The following ARID5B variants were observed in gnomAD, a reference collection of about 807,000 sequenced individuals.
ARID5B encodes AT-rich interaction domain 5B.
Under a neutral mutation model 97.2 loss-of-function variants are expected in ARID5B, and 13 were observed. That is an observed-to-expected ratio of 0.13 (90% CI 0.09 to 0.21). The LOEUF (loss-of-function observed/expected upper bound fraction) is 0.21, where lower values mean the gene tolerates loss of function less well. Among genes scored for constraint, ARID5B ranks in the 10% least tolerant of loss-of-function variants. The probability of loss-of-function intolerance (pLI) is 1.00; values close to 1 mark genes in which losing one functional copy is unlikely to be tolerated. For synonymous variants in ARID5B, 556 were observed against 570.3 expected, an observed-to-expected ratio of 0.97 and a Z score of 0.36; for missense variants, 1,210 against 1,465.3, an observed-to-expected ratio of 0.83 and a Z score of 2.84.
At chr10:62,006,287 C>G (rs1839145482) in intron 4 of ARID5B, among the ~76,000 whole-genome samples, 1 of 152,048 alleles carries the variant, frequency 6.6e-6, no homozygotes, top group Non-Finnish European at 1.5e-5. Flanking sequence ...ACTAAAAATA[C>G]AAAAATTAGC....
chr10:61,941,019 T>C (rs911266681), intron 3 of ARID5B, among the ~76,000 whole-genome samples: 1 of 128,604 alleles, frequency 7.8e-6, no homozygotes, highest in African/African-American at 2.9e-5. Flanking sequence ...TCTTCCACTG[T>C]AAGTTTAAAG....
At chr10:62,054,260 C>T (rs1839827251) in intron 5 of ARID5B, among the ~76,000 whole-genome samples, 2 of 152,120 alleles carry the variant, frequency 1.3e-5, no homozygotes, top group South Asian at 4.1e-4. Context: ...TCCACTACCA[C>T]CTGCACTGTA....
chr10:61,913,542 A>C (rs546658884), intron 2 of ARID5B, among the ~76,000 whole-genome samples: 174 of 152,284 alleles, frequency 1.1e-3, no homozygotes, highest in African/African-American at 3.8e-3. Flanking sequence ...CAGGCACCAC[A>C]GTCTGGTCGG....
chr10:61,960,219 T>C (rs1838451706), intron 3 of ARID5B, among the ~76,000 whole-genome samples: 1 of 152,224 alleles, frequency 6.6e-6, no homozygotes, highest in Non-Finnish European at 1.5e-5. Context: ...GTAATATTCA[T>C]TCTCTACTGT....
intron 3 of ARID5B, among the ~76,000 whole-genome samples, chr10:61,973,581 A>G (rs111297445): frequency 1.4e-4 from 21 of 149,306 alleles, no homozygotes; most frequent in African/African-American, 5.2e-4. Flanking sequence ...ACACATGCAT[A>G]CACACACACA....
chr10:61,933,554 TG>T (rs1844249261), intron 2 of ARID5B, among the ~76,000 whole-genome samples: 1 of 152,234 alleles, frequency 6.6e-6, no homozygotes, highest in African/African-American at 2.4e-5. Flanking sequence ...CCTTGATCCA[TG>T]GACTGCAGAA....
At chr10:62,063,347 T>G (rs1839946150) in intron 7 of ARID5B, among the ~76,000 whole-genome samples, 1 of 152,180 alleles carries the variant, frequency 6.6e-6, no homozygotes, top group African/African-American at 2.4e-5. Flanking sequence ...GGTTAACTTG[T>G]GATTGGATAA....
intron 4 of ARID5B, among the ~76,000 whole-genome samples, chr10:62,010,973 A>G (rs1397255364): frequency 3.3e-5 from 5 of 152,218 alleles, no homozygotes; most frequent in African/African-American, 4.8e-5. Flanking sequence ...GGCTGGAATC[A>G]TATCGGAAAG....
chr10:61,999,754 G>A (rs1028677056), intron 3 of ARID5B, among the ~76,000 whole-genome samples: 5 of 152,130 alleles, frequency 3.3e-5, no homozygotes, highest in Non-Finnish European at 5.9e-5. Flanking sequence ...CTATGATGAG[G>A]ATGACTTTAA....
At chr10:62,087,800 T>G (rs1044138448) in intron 9 of ARID5B, among the ~76,000 whole-genome samples, 2 of 152,144 alleles carry the variant, frequency 1.3e-5, no homozygotes, top group Non-Finnish European at 2.9e-5. Context: ...TTTTTTGTTT[T>G]TATTAGGTTT....
chr10:62,085,641 A>AG, intron 8 of ARID5B, 61 bp from the exon 9 acceptor site: 2 of 1,366,306 alleles, frequency 1.5e-6, no homozygotes, highest in South Asian at 2.6e-5. Context: ...GTAAACCCCC[A>AG]TAGCATTGAT....
chr10:62,075,673 T>C (rs1840121910), intron 8 of ARID5B, among the ~76,000 whole-genome samples: 1 of 152,206 alleles, frequency 6.6e-6, no homozygotes, highest in Non-Finnish European at 1.5e-5. Context: ...CCTCAGAGCG[T>C]CAGTAATGGA....
At chr10:61,916,084 T>C (rs7083526) in intron 2 of ARID5B, among the ~76,000 whole-genome samples, 73,471 of 151,816 alleles carry the variant, frequency 0.48, 17,955 homozygotes, top group African/African-American at 0.53. Flanking sequence ...GATAGGGTCT[T>C]GCTCTGTCAC....
chr10:61,927,556 G>T (rs1844129134), intron 2 of ARID5B, among the ~76,000 whole-genome samples: 1 of 152,192 alleles, frequency 6.6e-6, no homozygotes, highest in Admixed American at 6.5e-5. Context: ...AAGTACAAGA[G>T]AAGTGGAAGT....
intron 3 of ARID5B, among the ~76,000 whole-genome samples, chr10:61,977,545 C>T (rs1021271419): frequency 1.3e-5 from 2 of 152,198 alleles, no homozygotes; most frequent in African/African-American, 4.8e-5. Flanking sequence ...TTAATGATTG[C>T]CATTCTAACT....
At chr10:62,003,227 G>C in intron 4 of ARID5B, among the ~76,000 whole-genome samples, 1 of 152,146 alleles carries the variant, frequency 6.6e-6, no homozygotes, top group South Asian at 2.1e-4. Flanking sequence ...ATCTAATTGG[G>C]GAAGACAGGA....
intron 3 of ARID5B, among the ~76,000 whole-genome samples, chr10:61,960,139 T>C (rs1030686021): frequency 6.6e-6 from 1 of 152,164 alleles, no homozygotes; most frequent in Non-Finnish European, 1.5e-5. Flanking sequence ...AGGAAGGGCA[T>C]GACTGTCTTA....
intron 2 of ARID5B, among the ~76,000 whole-genome samples, chr10:61,933,276 C>T (rs1844244624): frequency 6.6e-6 from 1 of 152,190 alleles, no homozygotes; most frequent in South Asian, 2.1e-4. Context: ...TTTCCACCAC[C>T]TCTGCAGTTA....
At chr10:62,012,004 GAA>G (rs57553903) in intron 4 of ARID5B, among the ~76,000 whole-genome samples, 19 of 147,670 alleles carry the variant, frequency 1.3e-4, no homozygotes, top group African/African-American at 4.2e-4. Flanking sequence ...TCAAGGAGGG[GAA>G]AAAAAAAAGT....
Sources: gnomAD v4.1 joint callset for allele counts (sites outside exome capture counted in the v4.1 genomes callset) on GRCh38, gnomAD v4.1.1 for gene constraint, MANE v1.5 for transcripts, NCBI Gene and HGNC (gene_info 2026-07-23, HGNC 2026-07-21) for gene names.